The following ARL15 variants were observed in gnomAD, a reference collection of about 807,000 sequenced individuals.
ARL15 encodes ARF like GTPase 15.
In ARL15, 19 loss-of-function variants were observed where a neutral mutation model predicts 25.2. That is an observed-to-expected ratio of 0.75 (90% confidence interval 0.53 to 1.10). ARL15 has a LOEUF of 1.10. Among genes scored for constraint, ARL15 ranks in the 50% least tolerant of loss-of-function variants. The pLI, the probability that ARL15 is intolerant of heterozygous loss-of-function variation, is 0.00. For missense variants in ARL15, 220 were observed against 246.0 expected, an observed-to-expected ratio of 0.89 and a Z score of 0.71; for synonymous variants, 94 against 86.8, an observed-to-expected ratio of 1.08 and a Z score of -0.46.
chr5:54,075,351 A>G (rs1025960559), intron 4 of ARL15, among the ~76,000 whole-genome samples: 1 of 152,242 alleles, frequency 6.6e-6, no homozygotes, highest in Non-Finnish European at 1.5e-5. Context: ...TTACAGAAGT[A>G]AAGTTTTAGT....
Position 54,134,845 on chromosome 5 carries a change from A to C in ARL15, c.253+19735T>G, listed in dbSNP as rs184838935. Among the ~76,000 whole-genome samples, 18 of 152,130 alleles carry C rather than the reference A, an allele frequency of 1.2e-4. 1 individual carries two copies. The highest frequency in any genetic ancestry group is 2.2e-4 in the Non-Finnish European group (15 of 67,990). On this transcript the variant is annotated intron_variant, in intron 3 of 4. Transcript: ENST00000504924. ...TGATCTGCCCACCTCGGCCTCCCAAAGTGCTGGGATTACAGGCGTGAGCCA... is the reference window on the plus strand; with the variant it reads ...TGATCTGCCCACCTCGGCCTCCCAACGTGCTGGGATTACAGGCGTGAGCCA...
At chr5:54,173,741 C>A (rs770240823) in intron 1 of ARL15, among the ~76,000 whole-genome samples, 2 of 152,094 alleles carry the variant, frequency 1.3e-5, no homozygotes, top group Non-Finnish European at 2.9e-5. Context: ...TCTGACCATA[C>A]GTGCTTAAGC....
intron 4 of ARL15, among the ~76,000 whole-genome samples, chr5:54,016,509 GC>G (rs1749433726): frequency 6.6e-6 from 1 of 152,100 alleles, no homozygotes; most frequent in South Asian, 2.1e-4. Context: ...TAAACAAGAA[GC>G]CCCACATTTT....
intron 3 of ARL15, among the ~76,000 whole-genome samples, chr5:54,122,254 C>T (rs2112246770): frequency 6.6e-6 from 1 of 152,232 alleles, no homozygotes; most frequent in East Asian, 1.9e-4. Context: ...TTGACTAACA[C>T]CAAATAAGAA....
intron 1 of ARL15, among the ~76,000 whole-genome samples, chr5:54,181,557 C>G (rs1755058964): frequency 6.6e-6 from 1 of 152,128 alleles, no homozygotes; most frequent in Non-Finnish European, 1.5e-5. Flanking sequence ...CATAAAAATA[C>G]ACAAACACTT....
At position 54,012,301 on chromosome 5, in the gene ARL15, T is replaced by C. The variant is rs150674536; in HGVS notation, c.462+100901A>G. Among the ~76,000 whole-genome samples, 58 of 152,290 alleles carry C rather than the reference T, an allele frequency of 3.8e-4. 1 individual carries two copies. The highest frequency in any genetic ancestry group is 4.4e-5 in the Non-Finnish European group (3 of 68,030). ...AAATAAAGATTCTATAACTGGCTGA[T>C]AGTCCTCTTCATGGTTTTGATTGTT... On this transcript the variant is annotated intron_variant, in intron 4 of 4. Transcript: ENST00000504924.
intron 4 of ARL15, among the ~76,000 whole-genome samples, chr5:54,039,615 A>G (rs901909280): frequency 2.0e-5 from 3 of 151,996 alleles, no homozygotes; most frequent in Non-Finnish European, 2.9e-5. Flanking sequence ...AGCCTGACCA[A>G]CATGGTGAAA....
At chr5:54,111,149 G>T (rs1752728683) in intron 4 of ARL15, among the ~76,000 whole-genome samples, 1 of 151,932 alleles carries the variant, frequency 6.6e-6, no homozygotes, top group African/African-American at 2.4e-5. Flanking sequence ...GGGGAAAAAT[G>T]CTTTACTTAA....
At chr5:54,065,500 T>A (rs1344778421) in intron 4 of ARL15, among the ~76,000 whole-genome samples, 1 of 151,986 alleles carries the variant, frequency 6.6e-6, no homozygotes, top group Non-Finnish European at 1.5e-5. Context: ...ACCCTGTCTC[T>A]ACTAAAAATA....
chr5:54,163,356 CTTTTTTTTTT>C (rs869196680), intron 2 of ARL15, among the ~76,000 whole-genome samples: 1 of 55,650 alleles, frequency 1.8e-5, no homozygotes, highest in African/African-American at 6.6e-5. Flanking sequence ...TGGTATGAAG[CTTTTTTTTTT>C]TTTTTTTTTT....
chr5:54,239,513 G>T (rs1756898343), intron 1 of ARL15, among the ~76,000 whole-genome samples: 1 of 152,068 alleles, frequency 6.6e-6, no homozygotes, highest in Non-Finnish European at 1.5e-5. Context: ...GGCTGCCAGG[G>T]GTTCCCCAAT....
intron 4 of ARL15, among the ~76,000 whole-genome samples, chr5:53,998,462 A>G (rs577551459): frequency 3.3e-5 from 5 of 151,944 alleles, no homozygotes; most frequent in Non-Finnish European, 7.4e-5. Flanking sequence ...AATTTAGCAT[A>G]CCTTTAAGTG....
chr5:54,230,549 C>A (rs1465918427), intron 1 of ARL15, among the ~76,000 whole-genome samples: 1 of 152,006 alleles, frequency 6.6e-6, no homozygotes, highest in Non-Finnish European at 1.5e-5. Context: ...TATATCTTTC[C>A]AATGAACCAG....
intron 3 of ARL15, among the ~76,000 whole-genome samples, chr5:54,133,263 G>T (rs1225502848): frequency 2.0e-5 from 3 of 152,156 alleles, no homozygotes; most frequent in African/African-American, 7.2e-5. Context: ...AGATACTGAA[G>T]GTTAAATTAT....
chr5:54,012,725 T>C (rs1252898305), intron 4 of ARL15, among the ~76,000 whole-genome samples: 1 of 151,658 alleles, frequency 6.6e-6, no homozygotes, highest in Non-Finnish European at 1.5e-5. Flanking sequence ...GGTTTCTCCA[T>C]GTTGGTCAGG....
At chr5:53,923,726 G>A (rs1022551955) in intron 4 of ARL15, among the ~76,000 whole-genome samples, 3 of 152,000 alleles carry the variant, frequency 2.0e-5, no homozygotes, top group African/African-American at 4.8e-5. Context: ...TTAGCCAGGC[G>A]TGGTGGCGGG....
At position 54,220,318 on chromosome 5, in the gene ARL15, CCT is replaced by C. The variant is rs999562681; in HGVS notation, c.49-48392_49-48391del. Among the ~76,000 whole-genome samples the C allele has an allele frequency of 1.2e-4, 18 of 152,138 alleles. 1 individual carries two copies. The highest frequency in any genetic ancestry group is 4.3e-4 in the African/African-American group (18 of 41,428). On this transcript the variant is annotated intron_variant, in intron 1 of 4. Transcript: ENST00000504924. The stretch of plus-strand genomic sequence containing the variant: ...TATTTATCTCCACTCCCCTCCCCCA[CCT>C]CTGTTTTGTTTGCTTTTCCTGTGGA...
chr5:53,947,019 C>A (rs924269612), intron 4 of ARL15, among the ~76,000 whole-genome samples: 3 of 152,064 alleles, frequency 2.0e-5, no homozygotes, highest in Non-Finnish European at 2.9e-5. Flanking sequence ...AAAACAAGGA[C>A]AAGGGCTGGG....
chr5:54,107,719 T>C (rs1370728437), intron 4 of ARL15, among the ~76,000 whole-genome samples: 8 of 152,180 alleles, frequency 5.3e-5, no homozygotes, highest in Non-Finnish European at 1.2e-4. Flanking sequence ...TGAAGGAAGA[T>C]AGTGGAAAGG....
Sources: gnomAD v4.1 joint callset for allele counts (sites outside exome capture counted in the v4.1 genomes callset) on GRCh38, gnomAD v4.1.1 for gene constraint, MANE v1.5 for transcripts, NCBI Gene and HGNC (gene_info 2026-07-23, HGNC 2026-07-21) for gene names.